PRKN: variants seen among roughly 807,000 people sequenced by gnomAD.
PRKN encodes the protein parkin RBR E3 ubiquitin protein ligase, also known as E3 ubiquitin-protein ligase parkin.
A neutral mutation model predicts 59.5 loss-of-function variants in PRKN; 56 were observed. That is an observed-to-expected ratio of 0.94 (90% CI 0.76 to 1.18). The LOEUF is 1.18. Among genes scored for constraint, PRKN ranks in the 50% most tolerant of loss-of-function variants. PRKN has a pLI of 0.00. For synonymous variants in PRKN, 250 were observed against 222.1 expected, an observed-to-expected ratio of 1.13 and a Z score of -1.12; for missense variants, 657 against 596.4, an observed-to-expected ratio of 1.10 and a Z score of -1.06.
In PRKN at chr6:161,488,513, AG is replaced by A. The variant is rs1777422966; in HGVS notation, c.1083+60340del. 6.6e-6 allele frequency among the ~76,000 whole-genome samples: 1 copy of A among 152,188 alleles called. No individual in the cohort carries two copies. Among genetic ancestry groups the A allele is most frequent in the African/African-American group, 2.4e-5 (1 of 41,450 alleles). On this transcript the variant is annotated intron_variant, in intron 9 of 11. Coordinates refer to ENST00000366898, the MANE Select transcript of PRKN (RefSeq NM_004562.3). The surrounding 1 kb of genome is among the most constrained non-coding windows in gnomAD (Gnocchi z 4.5). The stretch of plus-strand genomic sequence containing the variant: ...TATTTTAATTAATTTTTTTAGAGAT[AG>A]GGTCTTCCTCTGCCACGTAGGCTGA...
intron 6 of PRKN, among the ~76,000 whole-genome samples, chr6:161,950,734 G>A (rs1368875407): frequency 6.6e-6 from 1 of 152,144 alleles, no homozygotes; most frequent in Admixed American, 6.5e-5. Context: ...TATCAGGTAT[G>A]AGGGAAACAT....
At chr6:162,404,147 G>A (rs1030717812) in intron 2 of PRKN, among the ~76,000 whole-genome samples, 1 of 151,936 alleles carries the variant, frequency 6.6e-6, no homozygotes, top group Admixed American at 6.6e-5. Flanking sequence ...TGAGGCAGGC[G>A]GATCACGAGG....
chr6:161,976,538 T>G (rs1781040650), intron 5 of PRKN, among the ~76,000 whole-genome samples: 1 of 152,228 alleles, frequency 6.6e-6, no homozygotes, highest in Non-Finnish European at 1.5e-5. Flanking sequence ...TGTTTTGTTT[T>G]CCTGAACATA....
chr6:161,943,542 T>A (rs950896349), intron 6 of PRKN, among the ~76,000 whole-genome samples: 3 of 152,266 alleles, frequency 2.0e-5, no homozygotes, highest in Non-Finnish European at 4.4e-5. Flanking sequence ...AAGTTTTTGG[T>A]AAGTGAATGT....
At chr6:161,520,526 C>T (rs949103524) in intron 9 of PRKN, among the ~76,000 whole-genome samples, 6 of 151,898 alleles carry the variant, frequency 4.0e-5, no homozygotes, top group Non-Finnish European at 8.8e-5. Context: ...CTGTGCTCAG[C>T]CAATAGTTAA....
intron 1 of PRKN, among the ~76,000 whole-genome samples, chr6:162,556,600 A>C (rs1779613891): frequency 6.6e-6 from 1 of 151,820 alleles, no homozygotes; most frequent in Non-Finnish European, 1.5e-5. Flanking sequence ...TACAGAAATT[A>C]GCCAGATGCA....
chr6:162,362,933 CCTGA>C (rs1785222468), intron 2 of PRKN, among the ~76,000 whole-genome samples: 1 of 151,624 alleles, frequency 6.6e-6, no homozygotes, highest in African/African-American at 2.4e-5. Flanking sequence ...TCGAGACCAT[CCTGA>C]CTAACACGGT....
intron 7 of PRKN, among the ~76,000 whole-genome samples, chr6:161,631,927 T>C (rs919975377): frequency 1.3e-5 from 2 of 152,180 alleles, no homozygotes; most frequent in African/African-American, 2.4e-5. Context: ...GTAGAAAGTA[T>C]CTGGGAAGAA....
At chr6:161,875,501 A>G (rs566563348) in intron 6 of PRKN, among the ~76,000 whole-genome samples, 1 of 152,074 alleles carries the variant, frequency 6.6e-6, no homozygotes, top group South Asian at 2.1e-4. Flanking sequence ...CCTGTTTATG[A>G]ATATATTCTC....
chr6:161,390,456 G>A lies in PRKN; in HGVS notation c.1084-3579C>T, dbSNP rs1212349734. 1.3e-5 allele frequency among the ~76,000 whole-genome samples: 2 copies of A among 152,162 alleles called. No homozygotes were observed. The highest frequency in any genetic ancestry group is 2.9e-5 in the Non-Finnish European group (2 of 68,026). The stretch of plus-strand genomic sequence containing the variant: ...TACCAGAATAGAAAACAAATACCAT[G>A]TAAACATCCATTTGGAACAAAGATG... On this transcript the variant is annotated intron_variant, in intron 9 of 11. Transcript: ENST00000366898. This position sits in a 1 kb window ranked among gnomAD's most constrained non-coding sequence, Gnocchi z 7.0.
intron 2 of PRKN, among the ~76,000 whole-genome samples, chr6:162,373,799 A>G (rs1785896893): frequency 6.6e-6 from 1 of 152,188 alleles, no homozygotes; most frequent in African/African-American, 2.4e-5. Context: ...AATTATATTT[A>G]ATAGAGTTTA....
At chr6:162,467,671 G>GA (rs1006023093) in intron 1 of PRKN, among the ~76,000 whole-genome samples, 1 of 151,962 alleles carries the variant, frequency 6.6e-6, no homozygotes, top group Admixed American at 6.6e-5. Context: ...CTTGACACAA[G>GA]AAAAAACTCA....
intron 3 of PRKN, among the ~76,000 whole-genome samples, chr6:162,224,447 A>G (rs1778075551): frequency 6.6e-6 from 1 of 152,244 alleles, no homozygotes; most frequent in African/African-American, 2.4e-5. Context: ...AGTCCACTCC[A>G]TGATGTTCAC....
chr6:162,675,710 CTAAT>C (rs1325781579), intron 1 of PRKN, among the ~76,000 whole-genome samples: 10 of 152,228 alleles, frequency 6.6e-5, no homozygotes, highest in South Asian at 4.2e-4. Flanking sequence ...CATCAATTCT[CTAAT>C]TAATCTGTAG....
intron 4 of PRKN, among the ~76,000 whole-genome samples, chr6:162,177,192 CAGCAG>C (rs1447301449): frequency 2.6e-5 from 4 of 151,866 alleles, no homozygotes; most frequent in Non-Finnish European, 5.9e-5. Flanking sequence ...AAAGCCATTG[CAGCAG>C]AGCATAGAAT....
chr6:161,815,660 C>T (rs761589832), intron 6 of PRKN, among the ~76,000 whole-genome samples: 9 of 152,210 alleles, frequency 5.9e-5, no homozygotes, highest in Non-Finnish European at 8.8e-5. Flanking sequence ...GTGCTGAGTC[C>T]TGCAATCACT....
intron 4 of PRKN, among the ~76,000 whole-genome samples, chr6:162,068,082 T>A (rs888899373): frequency 7.9e-5 from 12 of 152,206 alleles, no homozygotes; most frequent in African/African-American, 2.9e-4. Flanking sequence ...TAACTACATT[T>A]ACTAATTATG....
chr6:161,660,615 C>T (rs990395114), intron 7 of PRKN, among the ~76,000 whole-genome samples: 1 of 152,144 alleles, frequency 6.6e-6, no homozygotes, highest in Non-Finnish European at 1.5e-5. Flanking sequence ...TGAACAGCGG[C>T]AGTGGCCTCA....
intron 2 of PRKN, among the ~76,000 whole-genome samples, chr6:162,366,268 C>A (rs1166116036): frequency 2.6e-5 from 4 of 151,878 alleles, no homozygotes; most frequent in African/African-American, 9.7e-5. Flanking sequence ...CTTTTTTATT[C>A]TTTTATCTTT....
Sources: gnomAD v4.1 joint callset for allele counts (sites outside exome capture counted in the v4.1 genomes callset) on GRCh38, gnomAD v4.1.1 for gene constraint, Gnocchi (gnomAD v3.1) non-coding constraint, MANE v1.5 for transcripts, NCBI Gene and HGNC (gene_info 2026-07-23, HGNC 2026-07-21) for gene names.